MACROD2: variants seen among roughly 807,000 people sequenced by gnomAD.
MACROD2 encodes the protein ADP-ribose glycohydrolase MACROD2.
A neutral mutation model predicts 70.4 loss-of-function variants in MACROD2; 36 were observed. The ratio of observed to expected loss-of-function variants is 0.51; its 90% CI spans 0.39 to 0.68. The LOEUF is 0.68. Among genes scored for constraint, MACROD2 ranks in the 30% least tolerant of loss-of-function variants. The pLI is 0.00. For synonymous variants in MACROD2, 172 were observed against 178.8 expected, an observed-to-expected ratio of 0.96 and a Z score of 0.30; for missense variants, 496 against 538.4, an observed-to-expected ratio of 0.92 and a Z score of 0.78.
chr20:15,039,434 C>T (rs995289763), intron 5 of MACROD2, among the ~76,000 whole-genome samples: 23 of 151,964 alleles, frequency 1.5e-4, no homozygotes, highest in Admixed American at 1.4e-3. Context: ...CTATGACACA[C>T]CTTGGTGGAG....
intron 8 of MACROD2, among the ~76,000 whole-genome samples, chr20:15,508,617 G>C (rs1343339332): frequency 6.6e-6 from 1 of 152,206 alleles, no homozygotes; most frequent in Non-Finnish European, 1.5e-5. Context: ...ATACTTTCAT[G>C]TTCTACTATA....
chr20:16,015,006 C>T (rs1225572106), intron 15 of MACROD2, among the ~76,000 whole-genome samples: 2 of 152,170 alleles, frequency 1.3e-5, no homozygotes, highest in East Asian at 1.9e-4. Flanking sequence ...ACTTACTCTT[C>T]AGTTTCCTCT....
intron 5 of MACROD2, among the ~76,000 whole-genome samples, chr20:14,755,109 T>C (rs1465552449): frequency 1.3e-5 from 2 of 152,118 alleles, no homozygotes; most frequent in Non-Finnish European, 2.9e-5. Context: ...CCAATCTGAA[T>C]CTAAGATCAT....
At chr20:15,737,082 G>C (rs1482052996) in intron 8 of MACROD2, among the ~76,000 whole-genome samples, 6 of 152,298 alleles carry the variant, frequency 3.9e-5, no homozygotes, top group African/African-American at 1.4e-4. Context: ...ATTGGCTTTG[G>C]TTATTGATTG....
chr20:15,475,258 A>G (rs2047007548), intron 7 of MACROD2, among the ~76,000 whole-genome samples: 1 of 152,154 alleles, frequency 6.6e-6, no homozygotes, highest in Admixed American at 6.5e-5. Context: ...TTAGGATACC[A>G]AGGTAGGACT....
intron 4 of MACROD2, among the ~76,000 whole-genome samples, chr20:14,645,069 A>G (rs1356125221): frequency 1.3e-5 from 2 of 152,162 alleles, no homozygotes; most frequent in Non-Finnish European, 2.9e-5. Flanking sequence ...TCAGTGATAA[A>G]TAGCTTTATT....
At chr20:14,132,925 G>A (rs749059538) in intron 3 of MACROD2, among the ~76,000 whole-genome samples, 1 of 152,172 alleles carries the variant, frequency 6.6e-6, no homozygotes, top group Non-Finnish European at 1.5e-5. Flanking sequence ...ATAGGCATGA[G>A]CCACTGCACC....
chr20:15,820,012 T>G (rs1308015980), intron 8 of MACROD2, among the ~76,000 whole-genome samples: 2 of 152,124 alleles, frequency 1.3e-5, no homozygotes, highest in African/African-American at 2.4e-5. Flanking sequence ...TCCCATAATA[T>G]CATGTTGCAA....
intron 8 of MACROD2, among the ~76,000 whole-genome samples, chr20:15,711,928 G>T (rs1485474190): frequency 1.3e-5 from 2 of 151,958 alleles, no homozygotes; most frequent in Non-Finnish European, 2.9e-5. Flanking sequence ...CAGCCCCCTG[G>T]GTTTCAAGCA....
At chr20:14,300,566 T>C (rs1482950512) in intron 3 of MACROD2, among the ~76,000 whole-genome samples, 1 of 152,228 alleles carries the variant, frequency 6.6e-6, no homozygotes, top group African/African-American at 2.4e-5. Context: ...TCCATGTGCC[T>C]TTGAGTCTTC....
intron 8 of MACROD2, among the ~76,000 whole-genome samples, chr20:15,574,111 A>C (rs1429203453): frequency 1.3e-5 from 2 of 152,140 alleles, no homozygotes; most frequent in Admixed American, 6.6e-5. Flanking sequence ...ATAATTGACT[A>C]CAAAAAAAAT....
chr20:15,881,598 T>C (rs6043592), intron 9 of MACROD2, among the ~76,000 whole-genome samples: 51,186 of 151,996 alleles, frequency 0.34, 9,287 homozygotes, highest in East Asian at 0.56. Context: ...AGAGGTTACA[T>C]GTCTTGGGAC....
chr20:14,441,003 A>C (rs1334767823), intron 3 of MACROD2, among the ~76,000 whole-genome samples: 3 of 151,934 alleles, frequency 2.0e-5, no homozygotes, highest in African/African-American at 7.3e-5. Context: ...CAACCTGAGC[A>C]ACACACTTAT....
At chr20:14,212,580 T>C (rs1427407664) in intron 3 of MACROD2, among the ~76,000 whole-genome samples, 1 of 152,048 alleles carries the variant, frequency 6.6e-6, no homozygotes, top group Non-Finnish European at 1.5e-5. Context: ...CAATGTATTT[T>C]CTAGTTAGCT....
chr20:14,586,084 A>T (rs1177113751), intron 4 of MACROD2, among the ~76,000 whole-genome samples: 2 of 152,138 alleles, frequency 1.3e-5, no homozygotes, highest in East Asian at 3.9e-4. Flanking sequence ...AATTCTTTAC[A>T]TTTTGGAGAA....
intron 5 of MACROD2, among the ~76,000 whole-genome samples, chr20:15,143,601 C>T: frequency 6.9e-6 from 1 of 145,090 alleles, no homozygotes; most frequent in African/African-American, 2.4e-5. Context: ...CCTTCATAGG[C>T]ATTTTTTTTT....
chr20:14,659,905 C>T (rs1165947516), intron 4 of MACROD2, among the ~76,000 whole-genome samples: 1 of 152,132 alleles, frequency 6.6e-6, no homozygotes, highest in Non-Finnish European at 1.5e-5. Flanking sequence ...TGAAAACAAA[C>T]TAAATATAGC....
At chr20:14,609,566 C>T (rs562768109) in intron 4 of MACROD2, among the ~76,000 whole-genome samples, 20 of 152,222 alleles carry the variant, frequency 1.3e-4, no homozygotes, top group African/African-American at 3.6e-4. Context: ...GAGCTGCCTA[C>T]TCTGAACTTC....
chr20:14,755,597 C>T (rs1391186698), intron 5 of MACROD2, among the ~76,000 whole-genome samples: 1 of 152,040 alleles, frequency 6.6e-6, no homozygotes, highest in Non-Finnish European at 1.5e-5. Flanking sequence ...GATTACTTAG[C>T]TTGCTTTGGA....
Sources: gnomAD v4.1 joint callset for allele counts (sites outside exome capture counted in the v4.1 genomes callset) on GRCh38, gnomAD v4.1.1 for gene constraint, MANE v1.5 for transcripts, NCBI Gene and HGNC (gene_info 2026-07-23, HGNC 2026-07-21) for gene names.